The following SIDT1 variants were observed in gnomAD, a reference collection of about 807,000 sequenced individuals.
The protein encoded by SIDT1 is SID1 transmembrane family, member 1.
SIDT1 carries 101 observed loss-of-function variants against 107.5 expected under a neutral mutation model. The observed-to-expected ratio is 0.94, with a 90% CI of 0.80 to 1.11. The LOEUF (loss-of-function observed/expected upper bound fraction) is 1.11. Among genes scored for constraint, SIDT1 ranks in the 50% least tolerant of loss-of-function variants. The pLI is 0.00. For synonymous variants in SIDT1, 395 were observed against 398.2 expected (o/e 0.99, Z 0.10); for missense variants, 1,076 against 1,058.2 (o/e 1.02, Z -0.23).
At chr3:113,551,936 C>A (rs985316007) in intron 1 of SIDT1, among the ~76,000 whole-genome samples, 46 of 152,034 alleles carry the variant, frequency 3.0e-4, no homozygotes, top group Middle Eastern at 3.4e-3. Context: ...GAGCAGTTGG[C>A]CTGTCTGTTA....
intron 1 of SIDT1, among the ~76,000 whole-genome samples, chr3:113,563,883 A>G (rs1246106649): frequency 6.6e-6 from 1 of 152,122 alleles, no homozygotes; most frequent in African/African-American, 2.4e-5. Flanking sequence ...TGACTTAGAG[A>G]TATAGACTGA....
At chr3:113,559,004 C>T (rs1383893551) in intron 1 of SIDT1, among the ~76,000 whole-genome samples, 1 of 152,054 alleles carries the variant, frequency 6.6e-6, no homozygotes, top group Non-Finnish European at 1.5e-5. Context: ...CCATACTGAT[C>T]CACATTTCAG....
rs141972263 is a variant in SIDT1 at position 113,626,114 on chromosome 3, G to A, written c.2320G>A (p.Glu774Lys). ...CACCTTCCTCCAGGGAACTCCGGCCGAATCCCGGGAGAAGAACCGCGAGTG... is the reference window on the plus strand; with the variant it reads ...CACCTTCCTCCAGGGAACTCCGGCCAAATCCCGGGAGAAGAACCGCGAGTG... Reference protein sequence around the residue: ...NLSSWEGTPAESREKNRECIL... With the variant: ...NLSSWEGTPAKSREKNRECIL... The change falls in exon 24 of 25, where the codon GAA becomes AAA. Residue 774 changes from glutamate (E) to lysine (K), a missense_variant. By Grantham distance (56) the Glu-to-Lys change is moderately conservative (BLOSUM62 1). Coordinates refer to ENST00000264852, the MANE Select transcript of SIDT1 (RefSeq NM_017699.3). 721 of 1,613,624 alleles carry A rather than the reference G, an allele frequency of 4.5e-4. No homozygotes were observed. Among genetic ancestry groups the A allele is most frequent in the East Asian group, 1.4e-3 (63 of 44,882 alleles).
At position 113,552,519 on chromosome 3, in the gene SIDT1, T is replaced by C. The variant is rs972384810; in HGVS notation, c.223-13901T>C. 1.3e-5 allele frequency among the ~76,000 whole-genome samples: 2 copies of C among 152,136 alleles called. 1 individual carries two copies. The highest frequency in any genetic ancestry group is 3.9e-4 in the East Asian group (2 of 5,192). ...AGGAAAAGAATTCATTAAAAAGATATCCAGTAGCTCACAAAAGTAAGTTAC... is the reference window on the plus strand; with the variant it reads ...AGGAAAAGAATTCATTAAAAAGATACCCAGTAGCTCACAAAAGTAAGTTAC... On this transcript the variant is annotated intron_variant, in intron 1 of 24. Coordinates refer to ENST00000264852, the MANE Select transcript of SIDT1 (RefSeq NM_017699.3).
At chr3:113,633,304 G>A (rs1947105049), downstream of SIDT1, among the ~76,000 whole-genome samples, 1 of 152,088 alleles carries the variant, frequency 6.6e-6, no homozygotes, top group African/African-American at 2.4e-5. Context: ...TGAAGAAATA[G>A]GCTTCTTGCT....
At position 113,553,735 on chromosome 3, in the gene SIDT1, G is replaced by A. The variant is rs568300497; in HGVS notation, c.223-12685G>A. ...AGACTGGGGAAGTCTAAAGCCAGAG[G>A]GAGGTCAGTGGGACTGAGAAACCAA... On this transcript the variant is annotated intron_variant, in intron 1 of 24. Coordinates refer to ENST00000264852, the MANE Select transcript of SIDT1 (RefSeq NM_017699.3). Among the ~76,000 whole-genome samples the A allele has an allele frequency of 1.8e-4, 27 of 152,264 alleles. No individual in the cohort carries two copies. The East Asian group carries it at 5.0e-3, about 28-fold the overall frequency.
intron 1 of SIDT1, among the ~76,000 whole-genome samples, chr3:113,541,455 C>A (rs1938855172): frequency 6.6e-6 from 1 of 152,222 alleles, no homozygotes. Flanking sequence ...CAGGCGTCAG[C>A]CTCCGGGCCC....
intron 10 of SIDT1, among the ~76,000 whole-genome samples, chr3:113,599,721 A>G (rs1944824434): frequency 6.6e-6 from 1 of 152,240 alleles, no homozygotes; most frequent in Non-Finnish European, 1.5e-5. Flanking sequence ...AACAGTGAAT[A>G]TCAGGGACAG....
intron 10 of SIDT1, among the ~76,000 whole-genome samples, chr3:113,595,110 A>C (rs556221371): frequency 1.3e-5 from 2 of 152,346 alleles, no homozygotes; most frequent in Non-Finnish European, 2.9e-5. Context: ...CAGAATTAAG[A>C]TTAGGTCCTC....
intron 3 of SIDT1, among the ~76,000 whole-genome samples, chr3:113,572,033 G>C (rs756192158): frequency 3.3e-5 from 5 of 152,212 alleles, no homozygotes; most frequent in Non-Finnish European, 7.3e-5. Flanking sequence ...AAGTTAGAAG[G>C]CTGATGCAGT....
At chr3:113,601,416 G>A (rs1046589487) in intron 10 of SIDT1, 172 bp from the exon 11 acceptor site, 1 of 505,786 alleles carries the variant, frequency 2.0e-6, no homozygotes, top group Non-Finnish European at 3.5e-6. Flanking sequence ...TACAGAAACA[G>A]GTGGCAGGCT....
intron 9 of SIDT1, among the ~76,000 whole-genome samples, chr3:113,589,403 A>G (rs192320283): frequency 3.3e-5 from 5 of 152,300 alleles, no homozygotes; most frequent in African/African-American, 4.8e-5. Context: ...TAATCAAAAC[A>G]TATCATCTTC....
chr3:113,534,038 G>T (rs1937796912), intron 1 of SIDT1, among the ~76,000 whole-genome samples: 1 of 152,072 alleles, frequency 6.6e-6, no homozygotes, highest in Admixed American at 6.6e-5. Context: ...CTCTAGTGTG[G>T]TACCTCTGGA....
intron 7 of SIDT1, among the ~76,000 whole-genome samples, chr3:113,584,334 A>G (rs1943580175): frequency 6.6e-6 from 1 of 152,238 alleles, no homozygotes; most frequent in Admixed American, 6.5e-5. Flanking sequence ...CATACAAACC[A>G]AAGGAAGAGG....
At chr3:113,631,292 G>C (rs979240746), downstream of SIDT1, among the ~76,000 whole-genome samples, 3 of 152,106 alleles carry the variant, frequency 2.0e-5, no homozygotes, top group Admixed American at 2.0e-4. Context: ...CATTCTGTAG[G>C]GCAAGCTTGC....
downstream of SIDT1, among the ~76,000 whole-genome samples, chr3:113,630,143 G>A (rs1360979015): frequency 6.6e-6 from 1 of 152,162 alleles, no homozygotes; most frequent in Non-Finnish European, 1.5e-5. Context: ...TGAGAAAGCC[G>A]GGTTCAACAG....
intron 10 of SIDT1, among the ~76,000 whole-genome samples, chr3:113,600,507 T>C (rs1944884943): frequency 6.6e-6 from 1 of 152,162 alleles, no homozygotes; most frequent in South Asian, 2.1e-4. Context: ...ACTAAATTCC[T>C]GGAAAGAATT....
chr3:113,570,518 G>A (rs759604236), intron 3 of SIDT1, among the ~76,000 whole-genome samples: 7 of 152,198 alleles, frequency 4.6e-5, no homozygotes, highest in East Asian at 1.9e-4. Context: ...CAACTGTAGC[G>A]AGTGTTAATG....
intron 10 of SIDT1, 131 bp downstream of exon 10, chr3:113,593,179 T>C (rs1944299272): frequency 6.2e-6 from 5 of 811,632 alleles, no homozygotes; most frequent in East Asian, 5.1e-5. Flanking sequence ...CGCAGAGTAG[T>C]CTAGCCTGCA....
Sources: gnomAD v4.1 joint callset for allele counts (sites outside exome capture counted in the v4.1 genomes callset) on GRCh38, gnomAD v4.1.1 for gene constraint, MANE v1.5 for transcripts, NCBI Gene and HGNC (gene_info 2026-07-23, HGNC 2026-07-21) for gene names.